Variants in TLE1 observed in about 807,000 individuals in gnomAD.
TLE1 encodes transducin-like enhancer protein 1.
TLE1 carries 21 observed loss-of-function variants against 89.8 expected under a neutral mutation model. The observed-to-expected ratio is 0.23, with a 90% CI of 0.17 to 0.34. The LOEUF (loss-of-function observed/expected upper bound fraction) is 0.34, where lower values mean the gene tolerates loss of function less well. Among genes scored for constraint, TLE1 ranks in the 10% least tolerant of loss-of-function variants. The probability of loss-of-function intolerance (pLI) is 1.00; values close to 1 mark genes in which losing one functional copy is unlikely to be tolerated. For synonymous variants in TLE1, 447 were observed against 407.6 expected (o/e 1.10, Z -1.16); for missense variants, 795 against 1,031.2 (o/e 0.77, Z 3.14).
chr9:81,617,703 A>G (rs572632443), intron 9 of TLE1, among the ~76,000 whole-genome samples: 2 of 152,100 alleles, frequency 1.3e-5, no homozygotes, highest in African/African-American at 4.8e-5. Flanking sequence ...CTCTGTCACA[A>G]AAAAATAAAT....
chr9:81,611,324 G>T (rs1209160863), intron 13 of TLE1, among the ~76,000 whole-genome samples: 3 of 152,162 alleles, frequency 2.0e-5, no homozygotes, highest in Non-Finnish European at 4.4e-5. Context: ...TGTAACATAG[G>T]CATAGAAAGA....
intron 4 of TLE1, among the ~76,000 whole-genome samples, chr9:81,668,561 G>C (rs1831802250): frequency 6.6e-6 from 1 of 151,954 alleles, no homozygotes; most frequent in African/African-American, 2.4e-5. Context: ...ATCCACAGAG[G>C]AATCTAAGTA....
chr9:81,663,784 G>A (rs112862287), intron 4 of TLE1, among the ~76,000 whole-genome samples: 6 of 151,628 alleles, frequency 4.0e-5, no homozygotes, highest in Admixed American at 1.3e-4. Flanking sequence ...CTGCCACCAC[G>A]CCCGGCTAAT....
Position 81,605,408 on chromosome 9 carries a change from T to C in TLE1, c.1331+4812A>G, listed in dbSNP as rs148509760. Reference sequence around the variant, plus strand: ...TTTTCCCTCCTATTCATTTGTATTGTATGTTACAAATGTACCTATCTTTGA... The same window carrying C: ...TTTTCCCTCCTATTCATTTGTATTGCATGTTACAAATGTACCTATCTTTGA... On this transcript the variant is annotated intron_variant, in intron 14 of 19. Transcript: ENST00000376499. Among the ~76,000 whole-genome samples the C allele has an allele frequency of 1.9e-3, 290 of 152,260 alleles. 2 individuals carry two copies. Among genetic ancestry groups the C allele is most frequent in the African/African-American group, 6.6e-3 (275 of 41,560 alleles).
chr9:81,658,577 C>G (rs1830413877), intron 4 of TLE1, among the ~76,000 whole-genome samples: 1 of 152,186 alleles, frequency 6.6e-6, no homozygotes, highest in Admixed American at 6.5e-5. Context: ...AAGTCTTGGA[C>G]TGTTCTATTA....
At chr9:81,621,233 C>T (rs1172802482) in intron 8 of TLE1, among the ~76,000 whole-genome samples, 1 of 152,180 alleles carries the variant, frequency 6.6e-6, no homozygotes, top group African/African-American at 2.4e-5. Context: ...ACAAATGACA[C>T]AGGATACTTT....
intron 5 of TLE1, 41 bp from the exon 6 acceptor site, chr9:81,652,329 A>G (rs201222641): frequency 6.4e-7 from 1 of 1,566,868 alleles, no homozygotes; most frequent in Non-Finnish European, 8.8e-7. Context: ...GCAACAGCCA[A>G]AAACTTCACT....
At chr9:81,617,475 G>A (rs1249139405) in intron 9 of TLE1, among the ~76,000 whole-genome samples, 2 of 150,840 alleles carry the variant, frequency 1.3e-5, no homozygotes, top group African/African-American at 4.9e-5. Context: ...AGGCGGGCAG[G>A]TGGATCGCTT....
At chr9:81,594,563 C>A (rs1433935776) in intron 14 of TLE1, among the ~76,000 whole-genome samples, 1 of 151,890 alleles carries the variant, frequency 6.6e-6, no homozygotes, top group Non-Finnish European at 1.5e-5. Context: ...AAAAATTATG[C>A]ACATTCTACT....
At chr9:81,675,708 G>GTTTTTTTTTTTTTTTTTTTTTTT (rs61458315) in intron 4 of TLE1, among the ~76,000 whole-genome samples, 3 of 132,438 alleles carry the variant, frequency 2.3e-5, no homozygotes, top group African/African-American at 9.1e-5. Flanking sequence ...GTTTTTTTTT[G>GTTTTTTTTTTTTTTTTTTTTTTT]TTTTTTTTTT....
chr9:81,609,133 G>T (rs2132032393), intron 14 of TLE1, among the ~76,000 whole-genome samples: 1 of 151,904 alleles, frequency 6.6e-6, no homozygotes, highest in Middle Eastern at 3.4e-3. Flanking sequence ...CACCCAGGCT[G>T]GAGTGCAGTG....
In TLE1 at chr9:81,616,021, C is replaced by T. The variant is rs373782434; in HGVS notation, c.879G>A (p.Ser293=). The change falls in exon 11 of 20, where the codon TCG becomes TCA. Residue 293 remains serine (S), a synonymous_variant. Transcript: ENST00000376499. The stretch of plus-strand genomic sequence containing the variant: ...TGGATTTCAAAGAAGTGGAACTTGC[C>T]GAGGAGGCCGTGGAAGCTGGACTGC... ...ASSSPASTAS[S]ASSTSLKSKE... 204 of 1,613,728 alleles carry T rather than the reference C, an allele frequency of 1.3e-4. No homozygotes were observed. The Middle Eastern group carries it at 3.0e-3, about 24-fold the overall frequency.
chr9:81,625,390 A>T (rs1825778545), intron 8 of TLE1, among the ~76,000 whole-genome samples: 1 of 152,218 alleles, frequency 6.6e-6, no homozygotes, highest in Non-Finnish European at 1.5e-5. Flanking sequence ...GCCTGTGTGC[A>T]TTCTGAGACA....
chr9:81,632,696 T>C (rs1322257157), intron 8 of TLE1, among the ~76,000 whole-genome samples: 3 of 152,162 alleles, frequency 2.0e-5, no homozygotes, highest in African/African-American at 7.2e-5. Flanking sequence ...GAGTGTGACT[T>C]AGGCTGGTGA....
chr9:81,675,296 T>G (rs1832735102), intron 4 of TLE1, among the ~76,000 whole-genome samples: 1 of 151,706 alleles, frequency 6.6e-6, no homozygotes, highest in African/African-American at 2.4e-5. Context: ...TAATAAAATG[T>G]TTGGGAGAAT....
At chr9:81,585,421 A>G (rs1828254766) in intron 18 of TLE1, 84 bp downstream of exon 18, 3 of 1,532,826 alleles carry the variant, frequency 2.0e-6, no homozygotes, top group Non-Finnish European at 2.7e-6. Flanking sequence ...TTTTTTCCAG[A>G]TTATGATCTC....
At chr9:81,620,162 G>A (rs984895160) in intron 9 of TLE1, among the ~76,000 whole-genome samples, 1 of 152,176 alleles carries the variant, frequency 6.6e-6, no homozygotes, top group Non-Finnish European at 1.5e-5. Flanking sequence ...CCTAACAAGA[G>A]CAGGGCCCTG....
At position 81,620,427 on chromosome 9, in the gene TLE1, C is replaced by A. The variant is rs752712165; in HGVS notation, c.711+14G>T. On this transcript the variant is annotated intron_variant, in intron 9 of 19. Transcript: ENST00000376499. ...AAGCAAACAAATATTATTTCAAGTC[C>A]TTTAATTACTTACATAGTGGCTGGA... The A allele has an allele frequency of 3.1e-6, 5 of 1,590,370 alleles. No homozygotes were observed. The Admixed American group carries it at 5.1e-5, about 16-fold the overall frequency.
chr9:81,656,471 T>C (rs1196806825), intron 4 of TLE1, among the ~76,000 whole-genome samples: 1 of 152,210 alleles, frequency 6.6e-6, no homozygotes, highest in African/African-American at 2.4e-5. Context: ...TTTGAACTCA[T>C]ACACATGCAC....
Sources: allele counts gnomAD v4.1 joint callset (sites outside exome capture counted in the v4.1 genomes callset), GRCh38; gene constraint gnomAD v4.1.1; transcripts MANE v1.5; gene names NCBI Gene and HGNC (gene_info 2026-07-23, HGNC 2026-07-21).